UGDH: variants seen among roughly 807,000 people sequenced by gnomAD.
UGDH encodes the protein UDP-Glc dehydrogenase.
Under a neutral mutation model 50.6 loss-of-function variants are expected in UGDH, and 38 were observed. The ratio of observed to expected loss-of-function variants is 0.75; its 90% confidence interval spans 0.58 to 0.98. The LOEUF (loss-of-function observed/expected upper bound fraction) is 0.98. UGDH is among the 50% of genes least tolerant of loss of function. The pLI is 0.00. For missense variants in UGDH, 465 were observed against 606.2 expected (o/e 0.77, Z 2.45); for synonymous variants, 168 against 199.9 (o/e 0.84, Z 1.35).
rs1282989564 is a variant in UGDH, at chr4:39,499,366, A to C, written c.*777T>G. Reference sequence around the variant, plus strand: ...ACATTTTATTAAAACAAAAGGAACAAAGGAACTTTAACCAGACCATACATG... The same window carrying C: ...ACATTTTATTAAAACAAAAGGAACACAGGAACTTTAACCAGACCATACATG... On this transcript the variant is annotated 3_prime_UTR_variant, in exon 12 of 12. Coordinates refer to ENST00000316423, the MANE Select transcript of UGDH (RefSeq NM_003359.4). 6.6e-6 allele frequency: 1 copy of C among 152,210 alleles called. No homozygotes were observed. Among genetic ancestry groups the C allele is most frequent in the Non-Finnish European group, 1.5e-5 (1 of 68,036 alleles). 9.4% of individuals were successfully genotyped at this position (152,210 alleles called of 1,614,324 possible). A position where few individuals can be genotyped will look rare whatever the true frequency, so the allele number is the denominator to read the frequency against.
At chr4:39,501,159 G>A (rs1175460305) in intron 11 of UGDH, among the ~76,000 whole-genome samples, 12 of 150,846 alleles carry the variant, frequency 8.0e-5, no homozygotes. Flanking sequence ...GTAGAGACGG[G>A]GTTTCACTAT....
In UGDH at chr4:39,514,137, A is replaced by C; in HGVS notation, c.210T>G (p.Phe70Leu). Residue 70 changes from phenylalanine (F) to leucine (L), a missense_variant, in exon 3 of 12, where the codon TTT becomes TTG. Phe to Leu is a conservative substitution (Grantham distance 22). Transcript: ENST00000316423. ...TGGCATCATCAATATTGGTAGAAAA[A>C]AAAAGATTTTTTCCTCGACAGGATT... is the stretch of plus-strand genomic sequence containing the variant. ...VVESCRGKNL[F>L]FSTNIDDAIK... is the part of the protein sequence containing the mutation. 1 of 1,583,026 alleles carries C rather than the reference A, an allele frequency of 6.3e-7. No homozygotes were observed. Among genetic ancestry groups the C allele is most frequent in the Admixed American group, 2.1e-5 (1 of 47,948 alleles).
chr4:39,522,812 C>CT (rs1746721001), intron 1 of UGDH, among the ~76,000 whole-genome samples: 1 of 149,224 alleles, frequency 6.7e-6, no homozygotes, highest in Non-Finnish European at 1.5e-5. Context: ...TGTCGCCAGG[C>CT]TAGAGTACAA....
rs11361166 is a variant in UGDH, at chr4:39,515,499, T to TAA, written c.163-1317_163-1316dup. Among the ~76,000 whole-genome samples the TAA allele has an allele frequency of 8.3e-3, 1,245 of 150,542 alleles. 5 individuals carry two copies. Among genetic ancestry groups the TAA allele is most frequent in the Non-Finnish European group, 0.013 (897 of 67,590 alleles). ...TCCTATTGCAAGGAACCCTTTTATT[T>TAA]AAAAAAAAAATCCCAGTTTAACAGG... is the stretch of plus-strand genomic sequence containing the variant. On this transcript the variant is annotated intron_variant, in intron 2 of 11. Coordinates refer to ENST00000316423, the MANE Select transcript of UGDH (RefSeq NM_003359.4).
intron 3 of UGDH, among the ~76,000 whole-genome samples, chr4:39,511,562 C>T (rs1578271384): frequency 6.6e-6 from 1 of 152,012 alleles, no homozygotes; most frequent in Admixed American, 6.6e-5. Flanking sequence ...CGCACCTGGC[C>T]TCCTTTCTTA....
intron 1 of UGDH, among the ~76,000 whole-genome samples, chr4:39,523,181 A>T (rs1395787004): frequency 6.6e-6 from 1 of 152,056 alleles, no homozygotes; most frequent in Non-Finnish European, 1.5e-5. Context: ...CCCGCCAAGT[A>T]GCTGGGACTA....
At chr4:39,521,265 AT>A (rs1560268863) in intron 2 of UGDH, 85 bp downstream of exon 2, 1 of 1,319,656 alleles carries the variant, frequency 7.6e-7, no homozygotes, top group African/African-American at 1.5e-5. Context: ...GCTGTTATAG[AT>A]TTTTATATTA....
At chr4:39,507,350 TATC>T (rs1456053570) in intron 7 of UGDH, among the ~76,000 whole-genome samples, 1 of 152,184 alleles carries the variant, frequency 6.6e-6, no homozygotes, top group East Asian at 1.9e-4. Flanking sequence ...CCAAAACAAA[TATC>T]AGCAGATACA....
intron 2 of UGDH, 74 bp downstream of exon 2, chr4:39,521,277 A>G (rs1293777091): frequency 7.4e-7 from 1 of 1,354,932 alleles, no homozygotes; most frequent in African/African-American, 1.5e-5. Context: ...TTTTATATTA[A>G]TAGTGCATAT....
rs538872687 is a variant in UGDH, at chr4:39,518,874, T to C, written c.162+2477A>G. On this transcript the variant is annotated intron_variant, in intron 2 of 11. Transcript: ENST00000316423. ...ATTGCTAAACACTTGGTATTGTCAG[T>C]AATATCATTTTAACCATTCTGATGG... Among the ~76,000 whole-genome samples, 4 of 152,332 alleles carry C rather than the reference T, an allele frequency of 2.6e-5. No homozygotes were observed. The South Asian group carries it at 8.3e-4, about 32-fold the overall frequency.
intron 6 of UGDH, among the ~76,000 whole-genome samples, chr4:39,509,387 A>C (rs1244367064): frequency 1.3e-5 from 2 of 152,188 alleles, no homozygotes; most frequent in Non-Finnish European, 2.9e-5. Context: ...ACTGTAGCTC[A>C]AAAGCAGCCA....
chr4:39,502,266 A>G (rs1470188073), intron 11 of UGDH, among the ~76,000 whole-genome samples: 1 of 152,228 alleles, frequency 6.6e-6, no homozygotes, highest in African/African-American at 2.4e-5. Context: ...GGTGGAATAG[A>G]AGAGTCCCCA....
In UGDH at chr4:39,500,108, A is replaced by G; in HGVS notation, c.*35T>C. On this transcript the variant is annotated 3_prime_UTR_variant, in exon 12 of 12. Coordinates refer to ENST00000316423, the MANE Select transcript of UGDH (RefSeq NM_003359.4). Reference sequence around the variant, plus strand: ...ATTTGCTATCCTGAAGTACCAAAAAAAAAAAAAAAAAATCACAAATAAAAA... The same window carrying G: ...ATTTGCTATCCTGAAGTACCAAAAAGAAAAAAAAAAAATCACAAATAAAAA... 1 of 1,345,090 alleles carries G rather than the reference A, an allele frequency of 7.4e-7. No homozygotes were observed. Among genetic ancestry groups the G allele is most frequent in the Admixed American group, 2.2e-5 (1 of 45,572 alleles). 83.3% of individuals were successfully genotyped at this position (1,345,090 alleles called of 1,614,324 possible). A position where few individuals can be genotyped will look rare whatever the true frequency, so the allele number is the denominator to read the frequency against.
At chr4:39,517,768 G>A (rs753819159) in intron 2 of UGDH, among the ~76,000 whole-genome samples, 2 of 151,816 alleles carry the variant, frequency 1.3e-5, no homozygotes, top group African/African-American at 2.4e-5. Flanking sequence ...TGAAACTTAC[G>A]CAAATGGAAT....
intron 2 of UGDH, among the ~76,000 whole-genome samples, chr4:39,519,881 T>C (rs1746580125): frequency 6.6e-6 from 1 of 152,182 alleles, no homozygotes; most frequent in Non-Finnish European, 1.5e-5. Context: ...TAAGTAAATC[T>C]GTGTTTTTGA....
intron 7 of UGDH, among the ~76,000 whole-genome samples, chr4:39,506,323 G>A (rs973552383): frequency 6.6e-6 from 1 of 151,278 alleles, no homozygotes; most frequent in Non-Finnish European, 1.5e-5. Context: ...CAAAAGTGGA[G>A]CGCACAACCA....
rs546344582 is a variant in UGDH, at chr4:39,500,905, C to T, written c.1375-652G>A. 2.9e-4 allele frequency among the ~76,000 whole-genome samples: 44 copies of T among 151,660 alleles called. No individual in the cohort carries two copies. In the East Asian group the frequency reaches 5.4e-3, roughly 19 times the overall value. On this transcript the variant is annotated intron_variant, in intron 11 of 11. Transcript: ENST00000316423. ...CTGACCTCAAGTGATCTGCCTGCCT[C>T]GGCCTCCCAGAGTGCTGGGATTACC...
At chr4:39,510,013 T>C in intron 5 of UGDH, 106 bp from the exon 6 acceptor site, 2 of 1,303,134 alleles carry the variant, frequency 1.5e-6, no homozygotes, top group East Asian at 2.5e-5. Context: ...GGGAGATATA[T>C]AAGATACTGA....
rs749259185 is a variant in UGDH, at chr4:39,510,708, T to C, written c.418A>G (p.Ile140Val). Reference sequence around the variant, plus strand: ...GTGTTTGCATCAAATATGCGACGGATACTTTCTGCTGCCCGCACTGGAACT... The same window carrying C: ...GTGTTTGCATCAAATATGCGACGGACACTTTCTGCTGCCCGCACTGGAACT... ...STVPVRAAES[I>V]RRIFDANTKP... The change falls in exon 4 of 12, where the codon ATC (isoleucine) becomes GTC (valine). Residue 140 changes from isoleucine to valine, a missense_variant. Ile to Val is a conservative substitution (Grantham distance 29, BLOSUM62 3). Transcript: ENST00000316423. 2.5e-6 allele frequency: 4 copies of C among 1,614,148 alleles called. No individual in the cohort carries two copies. Among genetic ancestry groups the C allele is most frequent in the Admixed American group, 1.7e-5 (1 of 60,006 alleles).
Sources: gnomAD v4.1 joint callset for allele counts (sites outside exome capture counted in the v4.1 genomes callset) on GRCh38, gnomAD v4.1.1 for gene constraint, MANE v1.5 for transcripts, NCBI Gene and HGNC (gene_info 2026-07-23, HGNC 2026-07-21) for gene names.